MGST2: variants seen among roughly 807,000 people sequenced by gnomAD.
The protein encoded by MGST2 is glutathione peroxidase MGST2.
Under a neutral mutation model 16.6 loss-of-function variants are expected in MGST2, and 9 were observed. The ratio of observed to expected loss-of-function variants is 0.54; its 90% CI spans 0.33 to 0.95. The LOEUF (loss-of-function observed/expected upper bound fraction) is 0.95. MGST2 is among the 40% of genes least tolerant of loss of function. The probability of loss-of-function intolerance (pLI) is 0.03; values close to 1 mark genes in which losing one functional copy is unlikely to be tolerated. For synonymous variants in MGST2, 79 were observed against 68.0 expected, an observed-to-expected ratio of 1.16 and a Z score of -0.79; for missense variants, 159 against 175.1, an observed-to-expected ratio of 0.91 and a Z score of 0.52.
intron 3 of MGST2, 110 bp downstream of exon 3, chr4:139,695,377 T>C: frequency 1.1e-6 from 1 of 916,330 alleles, no homozygotes; most frequent in Non-Finnish European, 1.8e-6. Context: ...TTCCCAGCAC[T>C]TTGGGAGGCC....
chr4:139,690,026 CTG>C (rs1023350560), intron 2 of MGST2, among the ~76,000 whole-genome samples: 3 of 152,170 alleles, frequency 2.0e-5, no homozygotes, highest in African/African-American at 7.2e-5. Context: ...GAGCCTTGCT[CTG>C]TTGCCCAGGC....
intron 3 of MGST2, among the ~76,000 whole-genome samples, chr4:139,695,577 G>T (rs575749844): frequency 2.6e-5 from 4 of 152,048 alleles, no homozygotes; most frequent in Non-Finnish European, 5.9e-5. Context: ...AGCTGAGATC[G>T]TGCCACTACA....
intron 5 of MGST2, among the ~76,000 whole-genome samples, chr4:139,726,527 A>C (rs746731436): frequency 1.6e-4 from 24 of 152,154 alleles, no homozygotes; most frequent in Admixed American, 4.6e-4. Context: ...TGCTTTCCTT[A>C]GGCTGTGGGG....
At chr4:139,694,821 C>T (rs763004812) in intron 2 of MGST2, among the ~76,000 whole-genome samples, 1 of 152,120 alleles carries the variant, frequency 6.6e-6, no homozygotes, top group African/African-American at 2.4e-5. Context: ...CTGGGTAACT[C>T]AAGTGGAAGG....
At chr4:139,724,005 C>T (rs1405178683) in intron 5 of MGST2, among the ~76,000 whole-genome samples, 1 of 152,174 alleles carries the variant, frequency 6.6e-6, no homozygotes, top group African/African-American at 2.4e-5. Context: ...GTATCTGCAA[C>T]AACAACTATG....
chr4:139,705,491 C>G (rs193214619), downstream of MGST2: 1 of 152,204 alleles, frequency 6.6e-6, no homozygotes. Flanking sequence ...CATCTTGGTT[C>G]CAACAAATTT....
intron 5 of MGST2, among the ~76,000 whole-genome samples, chr4:139,738,754 T>C (rs1324957642): frequency 6.6e-6 from 1 of 151,878 alleles, no homozygotes; most frequent in East Asian, 1.9e-4. Flanking sequence ...AGAAAAAAAG[T>C]ATACAGAAAA....
At chr4:139,677,566 A>G (rs1450397291) in intron 1 of MGST2, among the ~76,000 whole-genome samples, 2 of 150,930 alleles carry the variant, frequency 1.3e-5, no homozygotes, top group South Asian at 2.1e-4. Flanking sequence ...CAATGGCATG[A>G]TCTCGGCTCA....
the MGST2 span, among the ~76,000 whole-genome samples, chr4:139,746,610 CG>C: frequency 6.6e-6 from 1 of 152,160 alleles, no homozygotes; most frequent in East Asian, 1.9e-4. Flanking sequence ...TCTCGCTCTG[CG>C]GGCCCCTCGT....
At chr4:139,676,077 C>T (rs779112205) in intron 1 of MGST2, among the ~76,000 whole-genome samples, 1 of 152,122 alleles carries the variant, frequency 6.6e-6, no homozygotes, top group Non-Finnish European at 1.5e-5. Context: ...CCCTCCTGGC[C>T]TCCTCATCTC....
At chr4:139,687,175 C>T (rs1483030643) in intron 2 of MGST2, among the ~76,000 whole-genome samples, 6 of 152,156 alleles carry the variant, frequency 3.9e-5, no homozygotes, top group South Asian at 2.1e-4. Flanking sequence ...TAAAAAATGA[C>T]GATCAATAAT....
At chr4:139,681,716 G>T (rs774634011) in intron 2 of MGST2, among the ~76,000 whole-genome samples, 17 of 151,178 alleles carry the variant, frequency 1.1e-4, no homozygotes, top group Non-Finnish European at 2.1e-4. Flanking sequence ...TGTCTTTTTT[G>T]GCCTTTGTCT....
chr4:139,685,142 A>G (rs2646067), intron 2 of MGST2: 66,093 of 152,246 alleles, frequency 0.43, 16,763 homozygotes, highest in East Asian at 0.71. Flanking sequence ...CTGTTCCTCC[A>G]TGTGCTGTCT....
intron 3 of MGST2, among the ~76,000 whole-genome samples, chr4:139,702,844 G>GTTTTTTTATTTTTTTTTTTTTTTT (rs1727327756): frequency 2.2e-5 from 1 of 46,424 alleles, no homozygotes; most frequent in Non-Finnish European, 4.5e-5. Flanking sequence ...TGTGTTACTG[G>GTTTTTTTATTTTTTTTTTTTTTTT]TTTTTTTTTT....
chr4:139,708,014 C>G (rs56750598), downstream of MGST2, among the ~76,000 whole-genome samples: 4,627 of 152,174 alleles, frequency 0.03, 166 homozygotes, highest in East Asian at 0.18. Flanking sequence ...GTTGCCTGTT[C>G]ACTCTGATGG....
At chr4:139,730,563 G>A in intron 5 of MGST2, 1 of 1,594,460 alleles carries the variant, frequency 6.3e-7, no homozygotes, top group South Asian at 1.1e-5. Context: ...TGCCCAGGAA[G>A]CCGGGGCCTG....
chr4:139,702,872 C>CTTTTTTTTTTTTTTTTTT (rs1727344991), intron 3 of MGST2, among the ~76,000 whole-genome samples: 1 of 22,036 alleles, frequency 4.5e-5, no homozygotes, highest in Non-Finnish European at 1.4e-4. Context: ...TTTTTTTTTA[C>CTTTTTTTTTTTTTTTTTT]AATTTTAGCC....
intron 2 of MGST2, among the ~76,000 whole-genome samples, chr4:139,681,175 C>T (rs1731222963): frequency 6.6e-6 from 1 of 152,030 alleles, no homozygotes; most frequent in Admixed American, 6.6e-5. Flanking sequence ...TGCTACAATG[C>T]CCTGCTAATA....
the MGST2 span, among the ~76,000 whole-genome samples, chr4:139,748,269 A>C: frequency 2.0e-5 from 3 of 151,726 alleles, no homozygotes; most frequent in African/African-American, 7.3e-5. Context: ...AAGAGAAGAC[A>C]CTCCCTAGGC....
Sources: gnomAD v4.1 joint callset for allele counts (sites outside exome capture counted in the v4.1 genomes callset) on GRCh38, gnomAD v4.1.1 for gene constraint, MANE v1.5 for transcripts, NCBI Gene and HGNC (gene_info 2026-07-23, HGNC 2026-07-21) for gene names.